SH3RF3: variants seen among roughly 807,000 people sequenced by gnomAD.
SH3RF3 encodes the protein E3 ubiquitin-protein ligase SH3RF3.
A neutral mutation model predicts 66.3 loss-of-function variants in SH3RF3; 29 were observed. The observed-to-expected ratio is 0.44, with a 90% CI of 0.33 to 0.60. The LOEUF is 0.60. Among genes scored for constraint, SH3RF3 ranks in the 20% least tolerant of loss-of-function variants. SH3RF3 has a pLI of 0.04. For missense variants in SH3RF3, 1,194 were observed against 1,190.9 expected (o/e 1.00, Z -0.04); for synonymous variants, 583 against 532.0 (o/e 1.10, Z -1.32).
At chr2:109,447,167 AAG>A (rs1677732099) in intron 7 of SH3RF3, among the ~76,000 whole-genome samples, 1 of 148,670 alleles carries the variant, frequency 6.7e-6, no homozygotes, top group Non-Finnish European at 1.5e-5. Flanking sequence ...AAAAAAAAAA[AAG>A]AAAAGAAAAA....
At chr2:109,243,003 T>C (rs1157359845) in intron 1 of SH3RF3, among the ~76,000 whole-genome samples, 1 of 152,210 alleles carries the variant, frequency 6.6e-6, no homozygotes, top group Non-Finnish European at 1.5e-5. Context: ...TTATTCTGAG[T>C]GTTTGAGACT....
At chr2:109,304,180 G>C (rs566626368) in intron 1 of SH3RF3, among the ~76,000 whole-genome samples, 1 of 151,820 alleles carries the variant, frequency 6.6e-6, no homozygotes, top group Non-Finnish European at 1.5e-5. Flanking sequence ...TCACACTGCT[G>C]TACAGTAGAT....
chr2:109,282,812 G>A (rs1415970213), intron 1 of SH3RF3, among the ~76,000 whole-genome samples: 1 of 152,174 alleles, frequency 6.6e-6, no homozygotes, highest in Non-Finnish European at 1.5e-5. Flanking sequence ...TGTCCTCCAG[G>A]GCTGGCAGGC....
chr2:109,415,641 C>T (rs1284052041), intron 4 of SH3RF3, among the ~76,000 whole-genome samples: 4 of 152,142 alleles, frequency 2.6e-5, no homozygotes, highest in Non-Finnish European at 5.9e-5. Flanking sequence ...TCCAGGGACG[C>T]CGTGCCCTCA....
intron 1 of SH3RF3, among the ~76,000 whole-genome samples, chr2:109,261,333 C>T (rs892330456): frequency 2.0e-5 from 3 of 152,204 alleles, no homozygotes; most frequent in African/African-American, 7.2e-5. Context: ...CTGTGCTGAA[C>T]AGCACACAGC....
intron 1 of SH3RF3, among the ~76,000 whole-genome samples, chr2:109,343,283 A>G (rs983896812): frequency 2.0e-5 from 3 of 152,218 alleles, no homozygotes; most frequent in Admixed American, 2.0e-4. Flanking sequence ...GGTGTCACCC[A>G]TGTGAGCATT....
chr2:109,364,171 T>G (rs1370572585), intron 2 of SH3RF3, among the ~76,000 whole-genome samples: 1 of 151,652 alleles, frequency 6.6e-6, no homozygotes, highest in Non-Finnish European at 1.5e-5. Context: ...TTTTTTTTTT[T>G]CTAATTTTTT....
At chr2:109,259,799 C>T (rs1470871231) in intron 1 of SH3RF3, among the ~76,000 whole-genome samples, 1 of 152,222 alleles carries the variant, frequency 6.6e-6, no homozygotes, top group Non-Finnish European at 1.5e-5. Flanking sequence ...GTTTCCTTGA[C>T]ATCTCTGGGA....
chr2:109,129,343 GCAGGCCGGTCCCCGCCAC>G lies in SH3RF3; in HGVS notation c.-197_-180del. The G allele has an allele frequency of 2.6e-3, 5 of 1,922 alleles. No individual in the cohort carries two copies. The South Asian group carries it at 0.032, about 12-fold the overall frequency. 0.1% of individuals were successfully genotyped at this position (1,922 alleles called of 1,614,324 possible). The stretch of plus-strand genomic sequence containing the variant: ...GGCTCGGCTGGCCGGTCCCCGCCAC[GCAGGCCGGTCCCCGCCAC>G]GCAGGCCGGTCGGTGAGCCACTTCG... On this transcript the variant is annotated 5_prime_UTR_variant, in exon 1 of 10. Coordinates refer to ENST00000309415, the MANE Select transcript of SH3RF3 (RefSeq NM_001099289.3).
At chr2:109,181,243 G>A (rs1013151195) in intron 1 of SH3RF3, among the ~76,000 whole-genome samples, 9 of 152,100 alleles carry the variant, frequency 5.9e-5, no homozygotes, top group Non-Finnish European at 1.3e-4. Flanking sequence ...ACAGAACAGA[G>A]GATTCCTGTA....
chr2:109,206,355 G>T (rs1205849365), intron 1 of SH3RF3, among the ~76,000 whole-genome samples: 5 of 152,006 alleles, frequency 3.3e-5, no homozygotes, highest in African/African-American at 4.8e-5. Flanking sequence ...GCCGGGCTTG[G>T]TGGAGGGCAC....
chr2:109,374,887 G>A (rs566314602), intron 3 of SH3RF3, among the ~76,000 whole-genome samples: 13 of 152,296 alleles, frequency 8.5e-5, no homozygotes, highest in Admixed American at 6.5e-4. Flanking sequence ...TAAGCCCACG[G>A]TGGACCTCAC....
At chr2:109,489,319 C>T (rs1030481934) in intron 8 of SH3RF3, among the ~76,000 whole-genome samples, 4 of 152,236 alleles carry the variant, frequency 2.6e-5, no homozygotes, top group Non-Finnish European at 5.9e-5. Context: ...TATCCCACAG[C>T]CACAGGCCCC....
Position 109,347,812 on chromosome 2 carries a change from G to A in SH3RF3, c.712G>A (p.Gly238Ser), listed in dbSNP as rs768751419. 23 of 1,613,846 alleles carry A rather than the reference G, an allele frequency of 1.4e-5. No individual in the cohort carries two copies. The highest frequency in any genetic ancestry group is 5.3e-5 in the African/African-American group (4 of 74,908). The change falls in exon 2 of 10, where the codon GGC (glycine) becomes AGC (serine). Residue 238 changes from glycine to serine, a missense_variant. By Grantham distance (56) the Gly-to-Ser change is moderately conservative. Coordinates refer to ENST00000309415, the MANE Select transcript of SH3RF3 (RefSeq NM_001099289.3). The stretch of plus-strand genomic sequence containing the variant: ...ACAGTGGTACCACGGCGAGCTGCAC[G>A]GCACACAGGGCTTCCTCCCAGCCAG... ...DEQWYHGELH[G>S]TQGFLPASYI...
rs373073399 is a variant in SH3RF3 at position 109,501,729 on chromosome 2, G to A, written c.*58G>A. ...GGGGAGGCCGCCTGGGAAGCTCCACGGCACACAGAGAGGGAGCCATGGCGC... is the reference window on the plus strand; with the variant it reads ...GGGGAGGCCGCCTGGGAAGCTCCACAGCACACAGAGAGGGAGCCATGGCGC... On this transcript the variant is annotated 3_prime_UTR_variant, in exon 10 of 10. Transcript: ENST00000309415. 23 of 701,550 alleles carry A rather than the reference G, an allele frequency of 3.3e-5. No homozygotes were observed. Among genetic ancestry groups the A allele is most frequent in the African/African-American group, 1.2e-4 (7 of 57,080 alleles). 43.5% of individuals were successfully genotyped at this position (701,550 alleles called of 1,614,324 possible).
chr2:109,329,955 T>C (rs184359912), intron 1 of SH3RF3, among the ~76,000 whole-genome samples: 6 of 152,344 alleles, frequency 3.9e-5, no homozygotes, highest in Admixed American at 3.9e-4. Context: ...AATGGGTTCT[T>C]GGACCCCTAG....
chr2:109,281,645 G>A (rs868001466), intron 1 of SH3RF3, among the ~76,000 whole-genome samples: 1 of 152,166 alleles, frequency 6.6e-6, no homozygotes, highest in South Asian at 2.1e-4. Flanking sequence ...GAGTATAAGT[G>A]TTTAGAGTGA....
intron 1 of SH3RF3, among the ~76,000 whole-genome samples, chr2:109,164,133 A>G (rs1018697842): frequency 2.0e-5 from 3 of 151,688 alleles, no homozygotes; most frequent in Non-Finnish European, 4.4e-5. Flanking sequence ...TCCTTAAGGA[A>G]TTATTTTTGG....
intron 1 of SH3RF3, among the ~76,000 whole-genome samples, chr2:109,184,913 A>G (rs950442743): frequency 2.6e-5 from 4 of 152,234 alleles, no homozygotes; most frequent in Non-Finnish European, 5.9e-5. Context: ...AACAACCAAG[A>G]ATGTAAGAAA....
Sources: gnomAD v4.1 joint callset for allele counts (sites outside exome capture counted in the v4.1 genomes callset) on GRCh38, gnomAD v4.1.1 for gene constraint, MANE v1.5 for transcripts, NCBI Gene and HGNC (gene_info 2026-07-23, HGNC 2026-07-21) for gene names.